FGF2: variants seen among roughly 807,000 people sequenced by gnomAD.
FGF2 encodes basic fibroblast growth factor bFGF.
FGF2 carries 13 observed loss-of-function variants against 15.9 expected under a neutral mutation model. The ratio of observed to expected loss-of-function variants is 0.82; its 90% CI spans 0.53 to 1.30. The LOEUF is 1.30. Ranked by LOEUF, FGF2 falls within the 50% of genes most tolerant of loss-of-function variation. The pLI is 0.00. For missense variants in FGF2, 163 were observed against 196.9 expected (o/e 0.83, Z 1.03); for synonymous variants, 90 against 78.4 (o/e 1.15, Z -0.78).
At chr4:122,834,573 A>C (rs1297478377) in intron 1 of FGF2, among the ~76,000 whole-genome samples, 1 of 152,078 alleles carries the variant, frequency 6.6e-6, no homozygotes, top group East Asian at 1.9e-4. Flanking sequence ...CTTCTTGATA[A>C]TTCCTTGGCT....
chr4:122,879,605 T>A (rs1422293497), intron 2 of FGF2, among the ~76,000 whole-genome samples: 1 of 152,212 alleles, frequency 6.6e-6, no homozygotes, highest in African/African-American at 2.4e-5. Flanking sequence ...TCCATTTTCA[T>A]GCTGCCGATA....
intron 2 of FGF2, among the ~76,000 whole-genome samples, chr4:122,891,154 C>T (rs1439142207): frequency 2.0e-5 from 3 of 151,028 alleles, no homozygotes; most frequent in African/African-American, 7.3e-5. Flanking sequence ...CATTCTCCTG[C>T]CTCAGCCTCC....
At chr4:122,868,741 T>TA (rs1339369482) in intron 1 of FGF2, among the ~76,000 whole-genome samples, 1 of 152,212 alleles carries the variant, frequency 6.6e-6, no homozygotes, top group Non-Finnish European at 1.5e-5. Flanking sequence ...CCAACGGTGT[T>TA]AAAGTGTTTC....
At chr4:122,831,237 C>CCTCA (rs1725760021) in intron 1 of FGF2, among the ~76,000 whole-genome samples, 1 of 152,120 alleles carries the variant, frequency 6.6e-6, no homozygotes, top group East Asian at 1.9e-4. Context: ...TCCTGCCATC[C>CCTCA]CTCAGCCTCA....
intron 2 of FGF2, chr4:122,883,006 A>G (rs1422013913): frequency 2.0e-5 from 3 of 152,222 alleles, no homozygotes; most frequent in Non-Finnish European, 2.9e-5. Flanking sequence ...AGCTTTTGGT[A>G]TGAGTTCAGT....
At chr4:122,832,492 C>A (rs1043709361) in intron 1 of FGF2, among the ~76,000 whole-genome samples, 3 of 152,188 alleles carry the variant, frequency 2.0e-5, no homozygotes, top group African/African-American at 7.2e-5. Context: ...GGTTATCTGT[C>A]CACCTCAGCC....
At chr4:122,876,553 A>G in intron 2 of FGF2, 129 bp downstream of exon 2, 1 of 715,698 alleles carries the variant, frequency 1.4e-6, no homozygotes, top group Non-Finnish European at 2.5e-6. Context: ...CCTGTAAAAT[A>G]GGGAGTATTT....
At chr4:122,853,275 A>T (rs933211642) in intron 1 of FGF2, among the ~76,000 whole-genome samples, 1 of 152,218 alleles carries the variant, frequency 6.6e-6, no homozygotes, top group African/African-American at 2.4e-5. Context: ...TCCAGCCTGC[A>T]TGACAGAGTG....
intron 1 of FGF2, among the ~76,000 whole-genome samples, chr4:122,843,121 CT>C (rs1726032950): frequency 6.6e-6 from 1 of 152,170 alleles, no homozygotes; most frequent in South Asian, 2.1e-4. Flanking sequence ...GTTTTGCCTG[CT>C]TTGCTTGTGG....
At chr4:122,844,571 T>TCCTTCCTTCCTTCCTTCC (rs1344813798) in intron 1 of FGF2, among the ~76,000 whole-genome samples, 7 of 128,344 alleles carry the variant, frequency 5.5e-5, no homozygotes, top group African/African-American at 1.5e-4. Flanking sequence ...CTTTCTTTCT[T>TCCTTCCTTCCTTCCTTCC]TTTCTTTCTT....
chr4:122,847,602 A>ACTCT lies in FGF2; in HGVS notation c.178+20251_178+20254dup, dbSNP rs1726138495. 3.4e-5 allele frequency among the ~76,000 whole-genome samples: 4 copies of ACTCT among 116,046 alleles called. No homozygotes were observed. The South Asian group carries it at 1.3e-3, about 37-fold the overall frequency. The allele number at this position is 116,046 out of a possible 152,430, so 76.1% of individuals were successfully genotyped here. A position where few individuals can be genotyped will look rare whatever the true frequency, so the allele number is the denominator to read the frequency against. ...AGAGAAACTGAATGAATAGGAGATC[A>ACTCT]CTCTATCTATCTATCTATCTATCTA... On this transcript the variant is annotated intron_variant, in intron 1 of 2. Transcript: ENST00000644866.
chr4:122,861,748 C>A (rs1726474390), intron 1 of FGF2, among the ~76,000 whole-genome samples: 1 of 152,148 alleles, frequency 6.6e-6, no homozygotes, highest in Admixed American at 6.5e-5. Flanking sequence ...CCCATACCCC[C>A]TTCCACAACA....
At chr4:122,826,698 A>G (rs912640155), upstream of FGF2, 1 of 1,255,848 alleles carries the variant, frequency 8.0e-7, no homozygotes. Context: ...GAACCGCCGA[A>G]CTCAGAGGCC....
intron 2 of FGF2, among the ~76,000 whole-genome samples, chr4:122,883,998 T>A (rs1355040938): frequency 5.3e-5 from 8 of 152,188 alleles, no homozygotes; most frequent in Non-Finnish European, 1.0e-4. Flanking sequence ...AGAAAATAGA[T>A]ATCTGAGAGC....
At chr4:122,852,448 A>G (rs1391172107) in intron 1 of FGF2, among the ~76,000 whole-genome samples, 2 of 152,194 alleles carry the variant, frequency 1.3e-5, no homozygotes, top group Admixed American at 1.3e-4. Context: ...GCTAATATCA[A>G]AATTGCCAAT....
Position 122,892,530 on chromosome 4 carries a change from GT to G in FGF2, c.*135del. The G allele has an allele frequency of 3.3e-6, 5 of 1,502,026 alleles. No individual in the cohort carries two copies. Among genetic ancestry groups the G allele is most frequent in the Non-Finnish European group, 4.4e-6 (5 of 1,127,366 alleles). 93.0% of individuals were successfully genotyped at this position (1,502,026 alleles called of 1,614,324 possible). The stretch of plus-strand genomic sequence containing the variant: ...TGGTCAAACAATTTTTTATCCAGTA[GT>G]AAAATATGTAACCATTGTCCCAGTA... On this transcript the variant is annotated 3_prime_UTR_variant, in exon 3 of 3. Coordinates refer to ENST00000644866, the MANE Select transcript of FGF2 (RefSeq NM_001361665.2).
intron 1 of FGF2, among the ~76,000 whole-genome samples, chr4:122,834,516 C>T (rs1462180350): frequency 1.3e-5 from 2 of 152,132 alleles, no homozygotes; most frequent in Non-Finnish European, 2.9e-5. Flanking sequence ...TGGCCTTTTC[C>T]AATTTTTCAT....
At chr4:122,864,335 ATT>A (rs1726529983) in intron 1 of FGF2, among the ~76,000 whole-genome samples, 1 of 152,176 alleles carries the variant, frequency 6.6e-6, no homozygotes, top group Non-Finnish European at 1.5e-5. Flanking sequence ...CATTCACTCG[ATT>A]CTGTTGTGTG....
chr4:122,872,942 A>T (rs1726770693), intron 1 of FGF2, among the ~76,000 whole-genome samples: 2 of 152,198 alleles, frequency 1.3e-5, no homozygotes, highest in Admixed American at 1.3e-4. Context: ...ATAAAGACCA[A>T]TGACACTATG....
Sources: gnomAD v4.1 joint callset for allele counts (sites outside exome capture counted in the v4.1 genomes callset) on GRCh38, gnomAD v4.1.1 for gene constraint, MANE v1.5 for transcripts, NCBI Gene and HGNC (gene_info 2026-07-23, HGNC 2026-07-21) for gene names.